ZNF407: variants seen among roughly 807,000 people sequenced by gnomAD.
The protein encoded by ZNF407 is zinc finger protein 407.
Under a neutral mutation model 131.2 loss-of-function variants are expected in ZNF407, and 17 were observed. That is an observed-to-expected ratio of 0.13 (90% CI 0.09 to 0.19). The LOEUF (loss-of-function observed/expected upper bound fraction) is 0.19. Among genes scored for constraint, ZNF407 ranks in the 10% least tolerant of loss-of-function variants. The pLI is 1.00. For missense variants in ZNF407, 2,681 were observed against 2,830.6 expected (o/e 0.95, Z 1.20); for synonymous variants, 1,156 against 1,062.0 (o/e 1.09, Z -1.72).
chr18:74,796,982 A>G (rs1334211377), intron 4 of ZNF407, among the ~76,000 whole-genome samples: 1 of 152,212 alleles, frequency 6.6e-6, no homozygotes, highest in Non-Finnish European at 1.5e-5. Context: ...GTGATTGATA[A>G]CTGCACCAGT....
At chr18:74,801,221 G>A (rs1439318862) in intron 4 of ZNF407, among the ~76,000 whole-genome samples, 1 of 152,056 alleles carries the variant, frequency 6.6e-6, no homozygotes. Context: ...ATTAATGATT[G>A]TGTACCTGAA....
intron 4 of ZNF407, among the ~76,000 whole-genome samples, chr18:74,841,720 T>G (rs1471230765): frequency 6.6e-6 from 1 of 152,216 alleles, no homozygotes; most frequent in Non-Finnish European, 1.5e-5. Flanking sequence ...TGTTTTGTTT[T>G]AGAGCAACAC....
rs1273990720 is a variant in ZNF407 at position 74,631,382 on chromosome 18, A to G, written c.363A>G (p.Thr121=). The change falls in exon 2 of 9, where the codon ACA becomes ACG. Residue 121 remains threonine, a synonymous_variant. Coordinates refer to ENST00000299687, the MANE Select transcript of ZNF407 (RefSeq NM_017757.3). ...AGGAGACCTTTCTGAGTGACTGCACAGTTGGAGGCACATGTCTCCCAAATG... is the reference window on the plus strand; with the variant it reads ...AGGAGACCTTTCTGAGTGACTGCACGGTTGGAGGCACATGTCTCCCAAATG... ...TGKETFLSDC[T]VGGTCLPNAL... The G allele has an allele frequency of 4.3e-6, 7 of 1,613,920 alleles. No individual in the cohort carries two copies. Among genetic ancestry groups the G allele is most frequent in the Non-Finnish European group, 5.9e-6 (7 of 1,179,900 alleles).
chr18:75,017,379 G>T (rs537118599), intron 8 of ZNF407, among the ~76,000 whole-genome samples: 1 of 152,222 alleles, frequency 6.6e-6, no homozygotes, highest in African/African-American at 2.4e-5. Flanking sequence ...CTTAAGGAAA[G>T]TGTGGAAAAA....
chr18:75,034,335 G>A (rs1450231369), intron 8 of ZNF407, among the ~76,000 whole-genome samples: 7 of 120,504 alleles, frequency 5.8e-5, no homozygotes, highest in African/African-American at 1.3e-4. Context: ...ACGTAGTTTC[G>A]CTCTGTCGCC....
At chr18:74,990,212 C>T (rs532764963) in intron 8 of ZNF407, among the ~76,000 whole-genome samples, 28 of 152,234 alleles carry the variant, frequency 1.8e-4, no homozygotes, top group African/African-American at 6.0e-4. Flanking sequence ...AAAAATTAAA[C>T]GCTCTGTGCA....
chr18:74,646,070 T>TAAACAC (rs1568144369), intron 3 of ZNF407, among the ~76,000 whole-genome samples: 1 of 152,194 alleles, frequency 6.6e-6, no homozygotes, highest in Non-Finnish European at 1.5e-5. Flanking sequence ...TAAATGCAGA[T>TAAACAC]AAACACAAGT....
chr18:74,926,045 A>G (rs1003725831), intron 8 of ZNF407, among the ~76,000 whole-genome samples: 1 of 152,158 alleles, frequency 6.6e-6, no homozygotes, highest in Non-Finnish European at 1.5e-5. Flanking sequence ...CACTTCAGCA[A>G]TTTGATTCTT....
intron 7 of ZNF407, among the ~76,000 whole-genome samples, chr18:74,914,071 C>A (rs1398001126): frequency 6.6e-6 from 1 of 152,174 alleles, no homozygotes; most frequent in Non-Finnish European, 1.5e-5. Context: ...ATTTGAAGTG[C>A]ACTCTTAGAA....
chr18:74,758,116 C>T (rs1277686326), intron 3 of ZNF407, among the ~76,000 whole-genome samples: 1 of 152,002 alleles, frequency 6.6e-6, no homozygotes, highest in Non-Finnish European at 1.5e-5. Context: ...AATTTTTAGT[C>T]CATTTACCTA....
Position 74,900,313 on chromosome 18 carries a change from G to C in ZNF407, c.5249+10275G>C, listed in dbSNP as rs566157531. ...CTTCCCTGTCATTTCATGTGGCTGC[G>C]ATAAGAACTTCCCACCTTTTGGGGG... On this transcript the variant is annotated intron_variant, in intron 7 of 8. Coordinates refer to ENST00000299687, the MANE Select transcript of ZNF407 (RefSeq NM_017757.3). Among the ~76,000 whole-genome samples, 69 of 152,224 alleles carry C rather than the reference G, an allele frequency of 4.5e-4. 1 individual carries two copies. The highest frequency in any genetic ancestry group is 1.5e-3 in the African/African-American group (64 of 41,516).
chr18:74,646,163 A>C, intron 3 of ZNF407, among the ~76,000 whole-genome samples: 1 of 152,226 alleles, frequency 6.6e-6, no homozygotes, highest in East Asian at 1.9e-4. Context: ...GAATAAATTA[A>C]AATCACTATT....
chr18:74,782,594 TGTTCTCCCC>T (rs1260607548), intron 4 of ZNF407, among the ~76,000 whole-genome samples: 1 of 151,896 alleles, frequency 6.6e-6, no homozygotes, highest in Non-Finnish European at 1.5e-5. Flanking sequence ...TCTTTCTTCC[TGTTCTCCCC>T]GTTCTCCCCT....
At chr18:74,640,924 T>C in intron 2 of ZNF407, 84 bp from the exon 3 acceptor site, 1 of 1,009,020 alleles carries the variant, frequency 9.9e-7, no homozygotes. Context: ...GTTAAAGGTA[T>C]GATTTAAGAT....
At chr18:74,761,726 C>G (rs116362432) in intron 3 of ZNF407, among the ~76,000 whole-genome samples, 1,625 of 152,178 alleles carry the variant, frequency 0.011, 32 homozygotes, top group African/African-American at 0.037. Context: ...CTGCTGGGTT[C>G]TTTTCATGAT....
At chr18:75,035,976 G>GC (rs1208088327) in intron 8 of ZNF407, among the ~76,000 whole-genome samples, 1 of 152,232 alleles carries the variant, frequency 6.6e-6, no homozygotes, top group Non-Finnish European at 1.5e-5. Flanking sequence ...ACCAGAGGTG[G>GC]CAGGAATGGG....
rs117976949 is a variant in ZNF407, at chr18:74,687,239, T to C, written c.4802+46117T>C. Among the ~76,000 whole-genome samples, 713 of 152,310 alleles carry C rather than the reference T, an allele frequency of 4.7e-3. 7 individuals are homozygous for C. The highest frequency in any genetic ancestry group is 6.4e-3 in the Non-Finnish European group (436 of 68,016). Reference sequence around the variant, plus strand: ...GGTGTATACTTGTAGTGCCAGGTCCTCGAGAGGCTGAGGCAAGAGGATCAC... The same window carrying C: ...GGTGTATACTTGTAGTGCCAGGTCCCCGAGAGGCTGAGGCAAGAGGATCAC... On this transcript the variant is annotated intron_variant, in intron 3 of 8. Transcript: ENST00000299687.
At chr18:75,038,886 T>C (rs1418329769) in intron 8 of ZNF407, among the ~76,000 whole-genome samples, 2 of 152,226 alleles carry the variant, frequency 1.3e-5, no homozygotes, top group Admixed American at 6.5e-5. Flanking sequence ...ACAGGGGCTG[T>C]TAACTTAGGC....
In ZNF407 at chr18:74,865,626, GT is replaced by G. The variant is rs1326931614; in HGVS notation, c.4878-11570del. Among the ~76,000 whole-genome samples the G allele has an allele frequency of 2.0e-5, 3 of 152,230 alleles. No individual in the cohort carries two copies. In the South Asian group the frequency reaches 6.2e-4, roughly 32 times the overall value. On this transcript the variant is annotated intron_variant, in intron 4 of 8. Coordinates refer to ENST00000299687, the MANE Select transcript of ZNF407 (RefSeq NM_017757.3). ...TATTCCACATGGCCTTTTGTTGCAG[GT>G]ATTGAAAAATTAGTATAAATGATCT... is the stretch of plus-strand genomic sequence containing the variant.
Sources: allele counts gnomAD v4.1 joint callset (sites outside exome capture counted in the v4.1 genomes callset), GRCh38; gene constraint gnomAD v4.1.1; transcripts MANE v1.5; gene names NCBI Gene and HGNC (gene_info 2026-07-23, HGNC 2026-07-21).